TMPRSS12: variants seen among roughly 807,000 people sequenced by gnomAD.
TMPRSS12 encodes the protein transmembrane protease serine 12.
A neutral mutation model predicts 26.0 loss-of-function variants in TMPRSS12; 25 were observed. The ratio of observed to expected loss-of-function variants is 0.96; its 90% CI spans 0.70 to 1.34. The LOEUF is 1.34. TMPRSS12 is among the 40% of genes most tolerant of loss of function. TMPRSS12 has a pLI of 0.00. For missense variants in TMPRSS12, 441 were observed against 440.1 expected (o/e 1.00, Z -0.02); for synonymous variants, 150 against 161.7 (o/e 0.93, Z 0.55).
At chr12:50,876,034 A>G (rs931348174) in intron 3 of TMPRSS12, among the ~76,000 whole-genome samples, 4 of 152,232 alleles carry the variant, frequency 2.6e-5, no homozygotes, top group Admixed American at 1.3e-4. Flanking sequence ...CAGGATCTAT[A>G]AAGAACTTAA....
chr12:50,851,564 A>G (rs554919622), intron 2 of TMPRSS12, among the ~76,000 whole-genome samples: 30 of 152,314 alleles, frequency 2.0e-4, no homozygotes, highest in African/African-American at 7.0e-4. Flanking sequence ...GACCAAACCT[A>G]CAACTCATTG....
At chr12:50,855,448 T>C (rs572748770) in intron 2 of TMPRSS12, among the ~76,000 whole-genome samples, 1 of 152,134 alleles carries the variant, frequency 6.6e-6, no homozygotes, top group East Asian at 1.9e-4. Context: ...AAGAAACATA[T>C]GAAAAAATGC....
At chr12:50,862,060 G>A (rs974797936) in intron 3 of TMPRSS12, among the ~76,000 whole-genome samples, 1 of 151,992 alleles carries the variant, frequency 6.6e-6, no homozygotes, top group Non-Finnish European at 1.5e-5. Context: ...CACCTGCCTC[G>A]GCCTCCCAAA....
At position 50,869,306 on chromosome 12, in the gene TMPRSS12, G is replaced by A. The variant is rs61241037; in HGVS notation, c.652+10253G>A. 4.7e-3 allele frequency among the ~76,000 whole-genome samples: 714 copies of A among 152,174 alleles called. 7 individuals carry two copies. The highest frequency in any genetic ancestry group is 0.017 in the African/African-American group (691 of 41,540). On this transcript the variant is annotated intron_variant, in intron 3 of 4. Transcript: ENST00000398458. ...AATCCAAATAACCTCAATAAGAAAC[G>A]TAACAGGAGATATTACAACTGACAC...
intron 3 of TMPRSS12, among the ~76,000 whole-genome samples, chr12:50,880,199 C>T (rs1387233899): frequency 6.6e-6 from 1 of 151,940 alleles, no homozygotes; most frequent in African/African-American, 2.4e-5. Flanking sequence ...GAGTTTGAGA[C>T]CAGCCTGAGC....
At chr12:50,859,655 G>A (rs1351686785) in intron 3 of TMPRSS12, among the ~76,000 whole-genome samples, 1 of 152,168 alleles carries the variant, frequency 6.6e-6, no homozygotes, top group Non-Finnish European at 1.5e-5. Flanking sequence ...ACTAAGCCTG[G>A]CCTACTGTAC....
intron 1 of TMPRSS12, 47 bp downstream of exon 1, chr12:50,843,198 C>T (rs746042214): frequency 6.7e-7 from 1 of 1,489,438 alleles, no homozygotes; most frequent in South Asian, 1.3e-5. Context: ...CTTACCTTTT[C>T]CCCACCGCTA....
rs1938241907 is a variant in TMPRSS12 at position 50,887,674 on chromosome 12, A to G, written c.*161A>G. The G allele has an allele frequency of 2.4e-6, 2 of 837,028 alleles. No homozygotes were observed. Among genetic ancestry groups the G allele is most frequent in the African/African-American group, 3.4e-5 (2 of 58,334 alleles). The allele number at this position is 837,028 out of a possible 1,614,324, so 51.9% of individuals were successfully genotyped here. The stretch of plus-strand genomic sequence containing the variant: ...GTATTGTGACAGATATACAATTGTA[A>G]TTTTGGCACTGAATCACATGTCTCC... On this transcript the variant is annotated 3_prime_UTR_variant, in exon 5 of 5. Transcript: ENST00000398458.
Position 50,843,141 on chromosome 12 carries a change from G to GC in TMPRSS12, c.178dup (p.His60ProfsTer11), listed in dbSNP as rs1255598800. 2 of 1,565,060 alleles carry GC rather than the reference G, an allele frequency of 1.3e-6. No homozygotes were observed. Among genetic ancestry groups the GC allele is most frequent in the Non-Finnish European group, 1.7e-6 (2 of 1,154,264 alleles). ...TCCGGCGGCGGAGGGAGGGAGGGGCGCATGCAGAGGGCAGTACCTGTTCGT... is the reference window on the plus strand; with the variant it reads ...TCCGGCGGCGGAGGGAGGGAGGGGCGCCATGCAGAGGGCAGTACCTGTTCGT... On this transcript the variant is annotated frameshift_variant, in exon 1 of 5. Coordinates refer to ENST00000398458, the MANE Select transcript of TMPRSS12 (RefSeq NM_182559.3). LOFTEE classifies it high-confidence loss of function.
intron 3 of TMPRSS12, 124 bp downstream of exon 3, chr12:50,859,177 G>A (rs1205658898): frequency 9.2e-6 from 8 of 866,866 alleles, no homozygotes; most frequent in South Asian, 2.2e-5. Flanking sequence ...CCACACACAC[G>A]ATGGTGGTCT....
chr12:50,866,138 G>A (rs867902342), intron 3 of TMPRSS12, among the ~76,000 whole-genome samples: 3 of 152,064 alleles, frequency 2.0e-5, no homozygotes, highest in African/African-American at 4.8e-5. Context: ...GAAATAAATC[G>A]AGAATCCCAA....
At chr12:50,857,826 T>C (rs376075125) in intron 2 of TMPRSS12, among the ~76,000 whole-genome samples, 1 of 144,596 alleles carries the variant, frequency 6.9e-6, no homozygotes, top group Non-Finnish European at 1.5e-5. Context: ...TCGTTGTTGT[T>C]GTTGTTGTTG....
intron 2 of TMPRSS12, among the ~76,000 whole-genome samples, chr12:50,851,389 G>T (rs927829849): frequency 6.6e-6 from 1 of 152,194 alleles, no homozygotes; most frequent in South Asian, 2.1e-4. Context: ...GTTAAAAAAA[G>T]AACTCACAAG....
intron 3 of TMPRSS12, among the ~76,000 whole-genome samples, chr12:50,859,683 A>G (rs1332730345): frequency 6.6e-6 from 1 of 152,218 alleles, no homozygotes. Context: ...GTGTTTAGAT[A>G]TACAAATGCT....
At chr12:50,885,748 C>G (rs1406888290) in intron 4 of TMPRSS12, 1 of 476,852 alleles carries the variant, frequency 2.1e-6, no homozygotes, top group Non-Finnish European at 3.7e-6. Context: ...CTCTGCCTCC[C>G]AGGTTCAAGC....
At chr12:50,883,776 G>A (rs1938197646) in intron 3 of TMPRSS12, among the ~76,000 whole-genome samples, 1 of 152,154 alleles carries the variant, frequency 6.6e-6, no homozygotes. Context: ...GGCCAAGGTG[G>A]GAAGATCACT....
chr12:50,869,178 A>C (rs1938019402), intron 3 of TMPRSS12, among the ~76,000 whole-genome samples: 1 of 19,268 alleles, frequency 5.2e-5, no homozygotes, highest in South Asian at 1.8e-3. Flanking sequence ...AATTGAAACA[A>C]AAAAAAAATA....
chr12:50,885,824 C>CTTTT (rs398019534), intron 4 of TMPRSS12: 7 of 188,450 alleles, frequency 3.7e-5, no homozygotes, highest in Non-Finnish European at 5.2e-5. Context: ...CCCGGCCATT[C>CTTTT]TTTTTTTTTT....
At chr12:50,871,514 C>A (rs982898388) in intron 3 of TMPRSS12, among the ~76,000 whole-genome samples, 14 of 152,054 alleles carry the variant, frequency 9.2e-5, no homozygotes, top group African/African-American at 3.4e-4. Flanking sequence ...ACTGGAAAAA[C>A]CCTTCTAGAT....
Sources: allele counts gnomAD v4.1 joint callset (sites outside exome capture counted in the v4.1 genomes callset), GRCh38; gene constraint gnomAD v4.1.1; transcripts MANE v1.5; gene names NCBI Gene and HGNC (gene_info 2026-07-23, HGNC 2026-07-21).